The following GABRB2 variants were observed in gnomAD, a reference collection of about 807,000 sequenced individuals.
GABRB2 encodes the protein gamma-aminobutyric acid type A receptor subunit beta2, also known as gamma-aminobutyric acid receptor subunit beta-2.
A neutral mutation model predicts 54.7 loss-of-function variants in GABRB2; 16 were observed. The ratio of observed to expected loss-of-function variants is 0.29; its 90% confidence interval spans 0.20 to 0.44. The LOEUF is 0.44. Among genes scored for constraint, GABRB2 ranks in the 20% least tolerant of loss-of-function variants. The pLI, the probability that GABRB2 is intolerant of heterozygous loss-of-function variation, is 1.00. For synonymous variants in GABRB2, 244 were observed against 233.8 expected (o/e 1.04, Z -0.40); for missense variants, 355 against 644.0 (o/e 0.55, Z 4.86).
At chr5:161,547,335 G>C (rs1179581453), upstream of GABRB2, among the ~76,000 whole-genome samples, 1 of 150,016 alleles carries the variant, frequency 6.7e-6, no homozygotes, top group African/African-American at 2.5e-5. Flanking sequence ...TTGGGGAGGC[G>C]GGTACAGAAT....
At position 161,546,639 on chromosome 5, in the gene GABRB2, C is replaced by G; in HGVS notation, c.5G>C (p.Trp2Ser). 1 of 1,593,152 alleles carries G rather than the reference C, an allele frequency of 6.3e-7. No homozygotes were observed. The highest frequency in any genetic ancestry group is 8.6e-7 in the Non-Finnish European group (1 of 1,168,854). Residue 2 changes from tryptophan (W) to serine (S), a missense_variant, in exon 1 of 10, where the codon TGG becomes TCG. Coordinates refer to ENST00000393959, the MANE Select transcript of GABRB2 (RefSeq NM_001371727.1). The part of the protein sequence containing the change: M[W>S]RVRKRGYFGI... Reference sequence around the variant, plus strand: ...AAAGTAGCCCCTTTTCCGCACTCTCCACATCCCTTTAGTTTTTGATGGAAT... The same window carrying G: ...AAAGTAGCCCCTTTTCCGCACTCTCGACATCCCTTTAGTTTTTGATGGAAT...
intron 3 of GABRB2, among the ~76,000 whole-genome samples, chr5:161,527,887 T>C (rs1194463645): frequency 4.6e-5 from 7 of 151,668 alleles, no homozygotes; most frequent in African/African-American, 1.4e-4. Context: ...TAAGGAACCG[T>C]GGCTTTGTAA....
chr5:161,492,053 G>T (rs759952749), intron 3 of GABRB2, among the ~76,000 whole-genome samples: 1 of 151,554 alleles, frequency 6.6e-6, no homozygotes, highest in East Asian at 1.9e-4. Context: ...AAAAAGTATA[G>T]TAGGTTTGTG....
chr5:161,314,128 C>T (rs554985215), intron 9 of GABRB2, among the ~76,000 whole-genome samples: 1 of 152,344 alleles, frequency 6.6e-6, no homozygotes, highest in Non-Finnish European at 1.5e-5. Context: ...AATCCTGGAT[C>T]ACGGGCTAAG....
rs911609224 is a variant in GABRB2, at chr5:161,387,490, G to A, written c.541+23485C>T. Reference sequence around the variant, plus strand: ...TTTATGTGTGATATTTTAGCTTTTTGTCAAACCTAGCCCTCTGGGTTTTAC... The same window carrying A: ...TTTATGTGTGATATTTTAGCTTTTTATCAAACCTAGCCCTCTGGGTTTTAC... On this transcript the variant is annotated intron_variant, in intron 5 of 9. Coordinates refer to ENST00000393959, the MANE Select transcript of GABRB2 (RefSeq NM_001371727.1). Among the ~76,000 whole-genome samples, 9 of 152,190 alleles carry A rather than the reference G, an allele frequency of 5.9e-5. No individual in the cohort carries two copies. The East Asian group carries it at 1.4e-3, about 23-fold the overall frequency.
chr5:161,341,225 G>C (rs1754145255), intron 5 of GABRB2, among the ~76,000 whole-genome samples: 1 of 151,720 alleles, frequency 6.6e-6, no homozygotes, highest in South Asian at 2.1e-4. Context: ...CTCTCAAAGT[G>C]ATTAAAAACT....
At chr5:161,545,188 A>G (rs754341303) in intron 3 of GABRB2, 39 bp downstream of exon 3, 132 of 1,531,346 alleles carry the variant, frequency 8.6e-5, no homozygotes, top group Non-Finnish European at 1.1e-4. Context: ...TCCCCAAACG[A>G]AAGTTTGCAA....
chr5:161,360,285 G>A (rs1754770637), intron 5 of GABRB2, among the ~76,000 whole-genome samples: 1 of 152,106 alleles, frequency 6.6e-6, no homozygotes. Context: ...TACAGGATGA[G>A]CTTAGAATAT....
At chr5:161,310,921 C>G (rs546987588) in intron 9 of GABRB2, among the ~76,000 whole-genome samples, 2 of 151,956 alleles carry the variant, frequency 1.3e-5, no homozygotes, top group African/African-American at 4.8e-5. Flanking sequence ...CCACCACGCC[C>G]GGCTAATTTT....
At chr5:161,310,083 G>C (rs252966) in intron 9 of GABRB2, among the ~76,000 whole-genome samples, 35,828 of 152,108 alleles carry the variant, frequency 0.24, 4,484 homozygotes, top group Admixed American at 0.3. Context: ...AATGCTACAT[G>C]TTCTCATTTA....
chr5:161,546,677 TG>T lies in GABRB2; in HGVS notation c.-35del, dbSNP rs1760995799. On this transcript the variant is annotated 5_prime_UTR_variant, in exon 1 of 10. Coordinates refer to ENST00000393959, the MANE Select transcript of GABRB2 (RefSeq NM_001371727.1). The stretch of plus-strand genomic sequence containing the variant: ...TTTTTGATGGAATTGAGGGTTTCAC[TG>T]AAGAGAGGAGATCCAACTTAGTCTG... 1 of 1,564,826 alleles carries T rather than the reference TG, an allele frequency of 6.4e-7. No homozygotes were observed. Among genetic ancestry groups the T allele is most frequent in the Non-Finnish European group, 8.7e-7 (1 of 1,153,240 alleles).
chr5:161,531,059 G>T (rs1210913241), intron 3 of GABRB2, among the ~76,000 whole-genome samples: 3 of 152,144 alleles, frequency 2.0e-5, no homozygotes, highest in African/African-American at 7.2e-5. Flanking sequence ...AAGTTTCTTT[G>T]TCTGTATGTC....
intron 5 of GABRB2, among the ~76,000 whole-genome samples, chr5:161,339,732 C>T (rs1007970120): frequency 1.6e-4 from 24 of 151,932 alleles, no homozygotes; most frequent in African/African-American, 5.1e-4. Context: ...AAATAATGAG[C>T]CCTGATACTG....
At chr5:161,295,003 T>A (rs1338857845) in intron 9 of GABRB2, among the ~76,000 whole-genome samples, 1 of 152,198 alleles carries the variant, frequency 6.6e-6, no homozygotes, top group East Asian at 1.9e-4. Context: ...CTTAAATTTG[T>A]AATGTCAATA....
intron 5 of GABRB2, among the ~76,000 whole-genome samples, chr5:161,406,839 C>G (rs1236160936): frequency 6.6e-6 from 1 of 152,002 alleles, no homozygotes; most frequent in African/African-American, 2.4e-5. Flanking sequence ...TCTCAGTAAA[C>G]ACTTTGTGTA....
In GABRB2 at chr5:161,545,348, G is replaced by C. The variant is rs147888584; in HGVS notation, c.170-54C>G. 8.5e-5 allele frequency: 120 copies of C among 1,404,590 alleles called. 1 individual carries two copies. In the East Asian group the frequency reaches 2.8e-3, roughly 33 times the overall value. 87.0% of individuals were successfully genotyped at this position (1,404,590 alleles called of 1,614,324 possible). ...TTTCTTTGAACTTCATTCATTCTCA[G>C]CAAGAGTTATCCCTGAGCATAAGAC... On this transcript the variant is annotated intron_variant, in intron 2 of 9. Coordinates refer to ENST00000393959, the MANE Select transcript of GABRB2 (RefSeq NM_001371727.1).
At chr5:161,463,974 G>T (rs1758205076) in intron 3 of GABRB2, among the ~76,000 whole-genome samples, 1 of 151,878 alleles carries the variant, frequency 6.6e-6, no homozygotes, top group Non-Finnish European at 1.5e-5. Flanking sequence ...CGACTTAAGT[G>T]TAAAATGTAA....
intron 3 of GABRB2, among the ~76,000 whole-genome samples, chr5:161,513,047 A>G (rs765992339): frequency 2.0e-5 from 3 of 151,176 alleles, no homozygotes; most frequent in African/African-American, 4.9e-5. Context: ...CAAAGATAAA[A>G]AGAAAAAAGA....
chr5:161,545,444 A>AG, intron 2 of GABRB2, 150 bp from the exon 3 acceptor site: 2 of 516,230 alleles, frequency 3.9e-6, no homozygotes, highest in African/African-American at 2.0e-5. Context: ...TGTTAAAAAA[A>AG]AAAAAAAAAA....
Sources: gnomAD v4.1 joint callset for allele counts (sites outside exome capture counted in the v4.1 genomes callset) on GRCh38, gnomAD v4.1.1 for gene constraint, MANE v1.5 for transcripts, NCBI Gene and HGNC (gene_info 2026-07-23, HGNC 2026-07-21) for gene names.